COL4A6: variants seen among roughly 807,000 people sequenced by gnomAD.
The protein encoded by COL4A6 is collagen alpha-6(IV) chain.
Under a neutral mutation model 126.7 loss-of-function variants are expected in COL4A6, and 59 were observed. The ratio of observed to expected loss-of-function variants is 0.47; its 90% CI spans 0.38 to 0.58. COL4A6 has a LOEUF of 0.58. COL4A6 is among the 20% of genes least tolerant of loss of function. The pLI is 0.00. For synonymous variants in COL4A6, 547 were observed against 496.6 expected (o/e 1.10, Z -1.35); for missense variants, 1,285 against 1,337.3 (o/e 0.96, Z 0.61).
At chrX:108,161,448 G>A (rs2033931654) in intron 42 of COL4A6, among the ~76,000 whole-genome samples, 171 bp downstream of exon 42, 2 of 111,598 alleles carry the variant, frequency 1.8e-5, no homozygotes, top group South Asian at 7.6e-4. Flanking sequence ...GGCTCAGAGG[G>A]TAGTGGGGAG....
At chrX:108,173,493 TGTGTGC>T (rs1240714676) in intron 31 of COL4A6, among the ~76,000 whole-genome samples, 3 of 104,296 alleles carry the variant, frequency 2.9e-5, no homozygotes, top group African/African-American at 1.0e-4. Flanking sequence ...TGTGTGTGTG[TGTGTGC>T]ACGCACACAC....
intron 3 of COL4A6, among the ~76,000 whole-genome samples, chrX:108,274,758 G>A (rs1363500119): frequency 1.8e-5 from 2 of 112,119 alleles, no homozygotes. Flanking sequence ...CCTGTTGGGA[G>A]TGAGTCTTAG....
At chrX:108,215,112 T>C (rs2035823551) in intron 5 of COL4A6, among the ~76,000 whole-genome samples, 2 of 112,479 alleles carry the variant, frequency 1.8e-5, no homozygotes, top group South Asian at 7.4e-4. Context: ...AAGCCAAGTA[T>C]ATATATTTAA....
intron 22 of COL4A6, among the ~76,000 whole-genome samples, chrX:108,187,523 A>C (rs1331125065): frequency 1.8e-5 from 2 of 111,821 alleles, no homozygotes; most frequent in Non-Finnish European, 3.8e-5. Flanking sequence ...AGGGCAAGAA[A>C]TGAGCAGGAT....
At chrX:108,289,806 C>A (rs770877557) in intron 3 of COL4A6, among the ~76,000 whole-genome samples, 45 of 111,966 alleles carry the variant, frequency 4.0e-4, no homozygotes, top group African/African-American at 1.4e-3. Context: ...TTTATATAAA[C>A]TAAGGATAGC....
At chrX:108,279,769 AG>A (rs772885654) in intron 3 of COL4A6, among the ~76,000 whole-genome samples, 1 of 112,057 alleles carries the variant, frequency 8.9e-6, no homozygotes, top group South Asian at 3.8e-4. Flanking sequence ...CAAATGTAAA[AG>A]ATCAGAAATT....
At chrX:108,222,292 A>G (rs1451194377) in intron 3 of COL4A6, among the ~76,000 whole-genome samples, 7 of 112,199 alleles carry the variant, frequency 6.2e-5, no homozygotes, top group African/African-American at 2.3e-4. Context: ...AACCATTAGT[A>G]ATATGCATTA....
At chrX:108,287,186 T>TAAGA (rs2038030069) in intron 3 of COL4A6, among the ~76,000 whole-genome samples, 1 of 112,240 alleles carries the variant, frequency 8.9e-6, no homozygotes, top group African/African-American at 3.2e-5. Flanking sequence ...TCTAGGTTCT[T>TAAGA]AAAAACACCA....
intron 8 of COL4A6, among the ~76,000 whole-genome samples, chrX:108,207,185 C>T (rs1464260935): frequency 9.0e-6 from 1 of 111,145 alleles, no homozygotes; most frequent in African/African-American, 3.3e-5. Flanking sequence ...TTAGGAGTAA[C>T]TGAACTCTTG....
At chrX:108,395,286 T>C (rs1346743187) in intron 2 of COL4A6, among the ~76,000 whole-genome samples, 1 of 111,830 alleles carries the variant, frequency 8.9e-6, no homozygotes, top group Non-Finnish European at 1.9e-5. Flanking sequence ...AGCATCAGAT[T>C]CTGACTCACA....
chrX:108,237,700 A>G lies in COL4A6; in HGVS notation c.145-16326T>C, dbSNP rs1049531479. Among the ~76,000 whole-genome samples, 8 of 111,517 alleles carry G rather than the reference A, an allele frequency of 7.2e-5. No individual in the cohort carries two copies. In the Admixed American group the frequency reaches 7.6e-4, roughly 11 times the overall value. ...TATAATAAAATGTCATCATTAGTCCATGTCCAGCTCCTCATTTTGAAAAGA... is the reference window on the plus strand; with the variant it reads ...TATAATAAAATGTCATCATTAGTCCGTGTCCAGCTCCTCATTTTGAAAAGA... On this transcript the variant is annotated intron_variant, in intron 3 of 44. Transcript: ENST00000334504.
intron 3 of COL4A6, among the ~76,000 whole-genome samples, chrX:108,302,904 C>T (rs189979692): frequency 9.0e-6 from 1 of 111,274 alleles, no homozygotes; most frequent in African/African-American, 3.3e-5. Flanking sequence ...AATCCTAAAT[C>T]TTAATTTCTT....
rs1250935332 is a variant in COL4A6, at chrX:108,159,513, C to T, written c.4761G>A (p.Pro1587=). 2.5e-6 allele frequency: 3 copies of T among 1,212,139 alleles called. No homozygotes were observed. The highest frequency in any genetic ancestry group is 1.7e-5 in the African/African-American group (1 of 57,901). The part of the protein sequence containing the change: ...IAVHSQDITI[P]QCPLGWRSLW... ...GGCTGCGCCAGCCCAGGGGGCACTGCGGGATGGTGATGTCCTGGCTGTGCA... is the reference window on the plus strand; with the variant it reads ...GGCTGCGCCAGCCCAGGGGGCACTGTGGGATGGTGATGTCCTGGCTGTGCA... Residue 1587 remains proline, a synonymous_variant, in exon 44 of 45, where the codon CCG becomes CCA. Transcript: ENST00000334504.
intron 2 of COL4A6, among the ~76,000 whole-genome samples, chrX:108,350,049 A>G (rs781285348): frequency 8.9e-6 from 1 of 111,895 alleles, no homozygotes; most frequent in African/African-American, 3.2e-5. Flanking sequence ...TCCAAAAAAG[A>G]CTGCCCACAT....
Position 108,169,966 on chromosome X carries a change from TG to T in COL4A6, c.3543del (p.Lys1182ArgfsTer42). The T allele has an allele frequency of 8.4e-7, 1 of 1,189,686 alleles. No individual in the cohort carries two copies. The highest frequency in any genetic ancestry group is 1.1e-6 in the Non-Finnish European group (1 of 882,806). ...TAACCTGGAGTGCCATGGGTACCCT[TG>T]GTGCCCGGAAGCCCATTCAGTCCAT... ...GLHGLNGLPG[T>X]KGTHGTPGPS... On this transcript the variant is annotated frameshift_variant, in exon 36 of 45. Coordinates refer to ENST00000334504, the MANE Select transcript of COL4A6 (RefSeq NM_033641.4). LOFTEE classifies it high-confidence loss of function.
At chrX:108,415,840 T>A (rs1466369471) in intron 2 of COL4A6, among the ~76,000 whole-genome samples, 4 of 112,384 alleles carry the variant, frequency 3.6e-5, no homozygotes, top group Non-Finnish European at 7.5e-5. Context: ...GAGATCTGAC[T>A]ATATTGTTCA....
chrX:108,175,271 G>A (rs1422582073), intron 29 of COL4A6, 56 bp from the exon 30 acceptor site: 1 of 1,109,386 alleles, frequency 9.0e-7, no homozygotes, highest in African/African-American at 1.9e-5. Flanking sequence ...GTCAGGCAAA[G>A]GCTGACCTTT....
In COL4A6 at chrX:108,188,501, G is replaced by A; in HGVS notation, c.1587+16C>T. 1 of 1,098,746 alleles carries A rather than the reference G, an allele frequency of 9.1e-7. No individual in the cohort carries two copies. The highest frequency in any genetic ancestry group is 1.2e-6 in the Non-Finnish European group (1 of 838,922). The allele number at this position is 1,098,746 out of a possible 1,213,427, so 90.5% of individuals were successfully genotyped here. On this transcript the variant is annotated intron_variant, in intron 21 of 44. Coordinates refer to ENST00000334504, the MANE Select transcript of COL4A6 (RefSeq NM_033641.4). The stretch of plus-strand genomic sequence containing the variant: ...ATTCCATTGCTTCCTCAGGGTCAAA[G>A]TTTGGCAAGACTTACTGGAGCCCCT...
chrX:108,313,511 T>C (rs1399685726), intron 2 of COL4A6, among the ~76,000 whole-genome samples: 1 of 111,588 alleles, frequency 9.0e-6, no homozygotes, highest in Non-Finnish European at 1.9e-5. Context: ...TAAATCTTAT[T>C]ATTATTATAC....
Sources: allele counts gnomAD v4.1 joint callset (sites outside exome capture counted in the v4.1 genomes callset), GRCh38; gene constraint gnomAD v4.1.1; transcripts MANE v1.5; gene names NCBI Gene and HGNC (gene_info 2026-07-23, HGNC 2026-07-21).